The following PLSCR4 variants were observed in gnomAD, a reference collection of about 807,000 sequenced individuals.
PLSCR4 encodes Ca(2+)-dependent phospholipid scramblase 4.
PLSCR4 carries 25 observed loss-of-function variants against 36.3 expected under a neutral mutation model. The observed-to-expected ratio is 0.69, with a 90% CI of 0.50 to 0.96. The LOEUF (loss-of-function observed/expected upper bound fraction) is 0.96. Among genes scored for constraint, PLSCR4 ranks in the 40% least tolerant of loss-of-function variants. The pLI, the probability that PLSCR4 is intolerant of heterozygous loss-of-function variation, is 0.00. For synonymous variants in PLSCR4, 122 were observed against 132.9 expected, an observed-to-expected ratio of 0.92 and a Z score of 0.56; for missense variants, 408 against 414.7, an observed-to-expected ratio of 0.98 and a Z score of 0.14.
At chr3:146,219,837 A>C (rs1290080712) in intron 3 of PLSCR4, among the ~76,000 whole-genome samples, 2 of 152,076 alleles carry the variant, frequency 1.3e-5, no homozygotes, top group African/African-American at 2.4e-5. Flanking sequence ...CTACTCCGAA[A>C]GCTGATGCAG....
Position 146,194,337 on chromosome 3 carries a change from AG to A in PLSCR4, c.*73del. The A allele has an allele frequency of 1.1e-6, 1 of 939,480 alleles. No individual in the cohort carries two copies. The highest frequency in any genetic ancestry group is 1.7e-6 in the Non-Finnish European group (1 of 573,474). The allele number at this position is 939,480 out of a possible 1,614,324, so 58.2% of individuals were successfully genotyped here. ...AAAGAAATACACTTGCAAATAACTGAGTGCTGACTGTAAGCCCAATCCAACT... is the reference window on the plus strand; with the variant it reads ...AAAGAAATACACTTGCAAATAACTGATGCTGACTGTAAGCCCAATCCAACT... On this transcript the variant is annotated 3_prime_UTR_variant, in exon 9 of 9. Coordinates refer to ENST00000354952, the MANE Select transcript of PLSCR4 (RefSeq NM_020353.3).
rs765675898 is a variant in PLSCR4, at chr3:146,196,642, G to C, written c.776C>G (p.Ser259Cys). ...TTTACATAGTTTCACCTCAAAAACA[G>C]AATCTGAACCACAGCCATAGGTTGA... ...PCSTYGCGSDSVFEVKSLDGI... is the reference protein window; with the variant it reads ...PCSTYGCGSDCVFEVKSLDGI... Residue 259 changes from serine (S) to cysteine (C), a missense_variant, in exon 7 of 9, where the codon TCT becomes TGT. Transcript: ENST00000354952. The C allele has an allele frequency of 6.2e-7, 1 of 1,613,716 alleles. No homozygotes were observed. Among genetic ancestry groups the C allele is most frequent in the South Asian group, 1.1e-5 (1 of 91,052 alleles).
chr3:146,216,232 AAAAC>A (rs373235368), intron 3 of PLSCR4, among the ~76,000 whole-genome samples: 132 of 152,128 alleles, frequency 8.7e-4, no homozygotes, highest in African/African-American at 2.8e-3. Context: ...TTCTGTCTCA[AAAAC>A]AAACAAACAA....
intron 3 of PLSCR4, among the ~76,000 whole-genome samples, chr3:146,208,855 ATT>A (rs1210504596): frequency 2.0e-5 from 3 of 152,094 alleles, no homozygotes; most frequent in African/African-American, 7.2e-5. Flanking sequence ...CAGTGTGGAG[ATT>A]CCTTAAAGAA....
At chr3:146,249,094 T>C (rs985803471) in intron 1 of PLSCR4, among the ~76,000 whole-genome samples, 5 of 152,136 alleles carry the variant, frequency 3.3e-5, no homozygotes, top group Admixed American at 2.6e-4. Context: ...ATTAGCAAAA[T>C]TATCTTTTTT....
At chr3:146,213,278 G>C (rs764150322) in intron 3 of PLSCR4, among the ~76,000 whole-genome samples, 7 of 151,094 alleles carry the variant, frequency 4.6e-5, no homozygotes, top group Non-Finnish European at 1.0e-4. Flanking sequence ...CATTTCTATG[G>C]AAGACATTGT....
chr3:146,215,632 T>C (rs2034857241), intron 3 of PLSCR4, among the ~76,000 whole-genome samples: 1 of 151,916 alleles, frequency 6.6e-6, no homozygotes, highest in Non-Finnish European at 1.5e-5. Context: ...TATATGTATG[T>C]ATATGTTTTT....
At chr3:146,237,528 T>C (rs1181830485) in intron 1 of PLSCR4, among the ~76,000 whole-genome samples, 2 of 152,046 alleles carry the variant, frequency 1.3e-5, no homozygotes, top group African/African-American at 4.8e-5. Context: ...ATATAAAATA[T>C]TATCTGAACA....
chr3:146,244,523 T>C, intron 1 of PLSCR4, among the ~76,000 whole-genome samples: 1 of 152,114 alleles, frequency 6.6e-6, no homozygotes, highest in Admixed American at 6.5e-5. Flanking sequence ...TTCAGACTTT[T>C]TCATAACAAT....
At chr3:146,224,919 G>A (rs2035377050) in intron 1 of PLSCR4, among the ~76,000 whole-genome samples, 1 of 149,864 alleles carries the variant, frequency 6.7e-6, no homozygotes, top group African/African-American at 2.4e-5. Flanking sequence ...ACAGAGTATG[G>A]ACACAAAGGT....
At chr3:146,219,898 C>T (rs2035061096) in intron 3 of PLSCR4, among the ~76,000 whole-genome samples, 1 of 152,048 alleles carries the variant, frequency 6.6e-6, no homozygotes, top group African/African-American at 2.4e-5. Context: ...CAAGATCGCA[C>T]CATTGCACTC....
chr3:146,244,703 C>T, intron 1 of PLSCR4, among the ~76,000 whole-genome samples: 1 of 152,076 alleles, frequency 6.6e-6, no homozygotes, highest in East Asian at 1.9e-4. Context: ...TCCCTATTCC[C>T]TGAGACAAAA....
At chr3:146,221,071 T>C (rs1414507798) in intron 2 of PLSCR4, 146 bp from the exon 3 acceptor site, 9 of 550,314 alleles carry the variant, frequency 1.6e-5, no homozygotes, top group South Asian at 1.2e-4. Context: ...AAAGAATTCA[T>C]CATATATTAG....
At chr3:146,244,451 T>G (rs569076600) in intron 1 of PLSCR4, among the ~76,000 whole-genome samples, 26 of 152,244 alleles carry the variant, frequency 1.7e-4, no homozygotes, top group African/African-American at 6.3e-4. Flanking sequence ...ATCAGTGCCA[T>G]TTTGCAGAAC....
intron 3 of PLSCR4, among the ~76,000 whole-genome samples, chr3:146,216,348 T>C (rs1372226327): frequency 6.6e-6 from 1 of 151,846 alleles, no homozygotes; most frequent in African/African-American, 2.4e-5. Flanking sequence ...GAGATTATGG[T>C]CTCTCTCAGA....
chr3:146,223,471 T>A (rs1341180660), intron 1 of PLSCR4, among the ~76,000 whole-genome samples: 1 of 151,938 alleles, frequency 6.6e-6, no homozygotes, highest in Non-Finnish European at 1.5e-5. Flanking sequence ...TGCTTCTAAA[T>A]CCTAAGCCTA....
intron 6 of PLSCR4, among the ~76,000 whole-genome samples, chr3:146,197,888 A>G (rs2033832869): frequency 2.6e-5 from 4 of 152,310 alleles, no homozygotes; most frequent in East Asian, 3.9e-4. Context: ...ATACAAATAT[A>G]TAAATTTGAG....
chr3:146,195,934 A>T lies in PLSCR4; in HGVS notation c.787-652T>A, dbSNP rs1576443834. On this transcript the variant is annotated intron_variant, in intron 7 of 8. Transcript: ENST00000354952. ...AACTAAGGAAAGTTTCTTGAGTATC[A>T]TAGGAAACATATGAGCAAGCAGTTT... 2.0e-5 allele frequency among the ~76,000 whole-genome samples: 3 copies of T among 152,198 alleles called. No homozygotes were observed. In the East Asian group the frequency reaches 5.8e-4, roughly 29 times the overall value.
At chr3:146,229,630 TTTATTTATTTA>T (rs1487015859) in intron 1 of PLSCR4, among the ~76,000 whole-genome samples, 36 of 145,212 alleles carry the variant, frequency 2.5e-4, no homozygotes, top group East Asian at 1.4e-3. Context: ...TATTTATTTA[TTTATTTATTTA>T]TGAGATGGAG....
Sources: allele counts gnomAD v4.1 joint callset (sites outside exome capture counted in the v4.1 genomes callset), GRCh38; gene constraint gnomAD v4.1.1; transcripts MANE v1.5; gene names NCBI Gene and HGNC (gene_info 2026-07-23, HGNC 2026-07-21).